The following MYO16 variants were observed in gnomAD, a reference collection of about 807,000 sequenced individuals.
MYO16 encodes the protein myosin XVI.
MYO16 carries 94 observed loss-of-function variants against 205.3 expected under a neutral mutation model. The observed-to-expected ratio is 0.46, with a 90% CI of 0.39 to 0.54. The LOEUF (loss-of-function observed/expected upper bound fraction) is 0.54, where lower values mean the gene tolerates loss of function less well. MYO16 is among the 20% of genes least tolerant of loss of function. The pLI, the probability that MYO16 is intolerant of heterozygous loss-of-function variation, is 0.00. For synonymous variants in MYO16, 988 were observed against 954.0 expected (o/e 1.04, Z -0.66); for missense variants, 2,315 against 2,387.5 (o/e 0.97, Z 0.63).
At chr13:109,189,302 C>G (rs1022566539) in intron 34 of MYO16, among the ~76,000 whole-genome samples, 1 of 152,118 alleles carries the variant, frequency 6.6e-6, no homozygotes, top group Admixed American at 6.5e-5. Flanking sequence ...TGGCAACACC[C>G]TCACAGACAC....
intron 18 of MYO16, among the ~76,000 whole-genome samples, chr13:108,962,071 T>G (rs1355187830): frequency 6.6e-6 from 1 of 152,154 alleles, no homozygotes; most frequent in Non-Finnish European, 1.5e-5. Flanking sequence ...GCTCCCAGAT[T>G]TTTAAAAAAT....
chr13:108,991,358 T>C lies in MYO16; in HGVS notation c.2370-1018T>C, dbSNP rs139316848. On this transcript the variant is annotated intron_variant, in intron 20 of 34. Coordinates refer to ENST00000457511, the MANE Select transcript of MYO16 (RefSeq NM_001198950.3). ...CTGTAGTAAATTCTATTTCCAAGAG[T>C]GATAGTTCACATTGAAAAAAAAGAT... is the stretch of plus-strand genomic sequence containing the variant. 1.6e-3 allele frequency among the ~76,000 whole-genome samples: 247 copies of C among 152,244 alleles called. 1 individual carries two copies. The highest frequency in any genetic ancestry group is 5.6e-3 in the African/African-American group (233 of 41,546).
chr13:108,884,693 C>T (rs1296011182), intron 13 of MYO16, among the ~76,000 whole-genome samples: 3 of 152,048 alleles, frequency 2.0e-5, no homozygotes, highest in African/African-American at 7.2e-5. Context: ...GGCTTCCACC[C>T]ATTCTAAACT....
chr13:108,650,083 T>G (rs1373304855), intron 1 of MYO16, among the ~76,000 whole-genome samples: 1 of 152,120 alleles, frequency 6.6e-6, no homozygotes, highest in Non-Finnish European at 1.5e-5. Flanking sequence ...CTTTTAGTAC[T>G]GAAAATGTTT....
At chr13:108,723,644 C>G (rs941861430) in intron 3 of MYO16, among the ~76,000 whole-genome samples, 1 of 152,076 alleles carries the variant, frequency 6.6e-6, no homozygotes, top group African/African-American at 2.4e-5. Context: ...ATGAATTGAT[C>G]TATTTCTAAA....
chr13:109,025,080 G>A (rs1302581780), intron 23 of MYO16, among the ~76,000 whole-genome samples: 1 of 152,084 alleles, frequency 6.6e-6, no homozygotes, highest in African/African-American at 2.4e-5. Context: ...GGGGTTCTTG[G>A]CTTTATTGCC....
chr13:109,076,804 C>T (rs1037060829), intron 27 of MYO16, among the ~76,000 whole-genome samples: 2 of 151,986 alleles, frequency 1.3e-5, no homozygotes, highest in African/African-American at 4.8e-5. Context: ...GAAAATGAAG[C>T]CCAGATTTCA....
intron 2 of MYO16, among the ~76,000 whole-genome samples, chr13:108,676,371 G>C (rs7334035): frequency 8.4e-6 from 1 of 119,338 alleles, no homozygotes; most frequent in East Asian, 3.0e-4. Flanking sequence ...TTATATGTAC[G>C]CGTGTGTGTG....
intron 30 of MYO16, among the ~76,000 whole-genome samples, chr13:109,126,055 C>T (rs1375584387): frequency 5.9e-5 from 9 of 152,170 alleles, no homozygotes; most frequent in Non-Finnish European, 1.2e-4. Flanking sequence ...CTTAATTCAT[C>T]GTCAGGGAGA....
At chr13:108,587,591 G>C in the MYO16 span, among the ~76,000 whole-genome samples, 1 of 152,072 alleles carries the variant, frequency 6.6e-6, no homozygotes, top group South Asian at 2.1e-4. Flanking sequence ...AATTGAGATT[G>C]ACAAGGTATA....
In MYO16 at chr13:109,026,594, T is replaced by A. The variant is rs191123269; in HGVS notation, c.2796+6683T>A. ...CCATAAAGTATTTATTGGTTCATCT[T>A]GACAGATGATAAGAGTAGTAGTTTT... is the stretch of plus-strand genomic sequence containing the variant. On this transcript the variant is annotated intron_variant, in intron 23 of 34. Transcript: ENST00000457511. 3.7e-4 allele frequency among the ~76,000 whole-genome samples: 56 copies of A among 152,344 alleles called. No individual in the cohort carries two copies. The Middle Eastern group carries it at 0.014, about 37-fold the overall frequency.
chr13:108,636,360 TTTTTTTTTTTGTGTGTG>T (rs1199822320), intron 1 of MYO16, among the ~76,000 whole-genome samples: 2 of 84,362 alleles, frequency 2.4e-5, no homozygotes, highest in Non-Finnish European at 4.8e-5. Flanking sequence ...TTTTTTTTTT[TTTTTTTTTTTGTGTGTG>T]TGTGTGTGTG....
At position 108,730,130 on chromosome 13, in the gene MYO16, G is replaced by A. The variant is rs987578536; in HGVS notation, c.507+2547G>A. ...ATGTCCCCACTCCAATCTCATCTTG[G>A]AGTTCCCATAATCCCCACATGTCAT... On this transcript the variant is annotated intron_variant, in intron 4 of 34. Transcript: ENST00000457511. 2.0e-5 allele frequency among the ~76,000 whole-genome samples: 3 copies of A among 152,182 alleles called. No individual in the cohort carries two copies. The East Asian group carries it at 5.8e-4, about 29-fold the overall frequency.
intron 31 of MYO16, among the ~76,000 whole-genome samples, chr13:109,135,031 C>T (rs157031): frequency 0.29 from 43,664 of 151,968 alleles, 6,756 homozygotes; most frequent in East Asian, 0.47. Context: ...CCACATGTGC[C>T]GGTGCCTCCG....
chr13:108,827,147 G>A (rs1169401367), intron 9 of MYO16, among the ~76,000 whole-genome samples: 2 of 152,144 alleles, frequency 1.3e-5, no homozygotes, highest in Non-Finnish European at 2.9e-5. Context: ...AACTGTCCAT[G>A]ACTTCACCAT....
At chr13:108,700,097 C>T (rs1279483304) in intron 2 of MYO16, among the ~76,000 whole-genome samples, 2 of 152,072 alleles carry the variant, frequency 1.3e-5, no homozygotes, top group African/African-American at 4.8e-5. Flanking sequence ...CTTTGGGAGG[C>T]TGAGGTGGGT....
Position 109,120,477 on chromosome 13 carries a change from T to C in MYO16, c.3535+11T>C. The stretch of plus-strand genomic sequence containing the variant: ...TAACCTGCCAAAAAGGTAACATTTA[T>C]ATGCCAACATTTCTGAATTTATTTG... On this transcript the variant is annotated intron_variant, in intron 29 of 34. Transcript: ENST00000457511. The C allele has an allele frequency of 6.3e-7, 1 of 1,579,424 alleles. No homozygotes were observed. The highest frequency in any genetic ancestry group is 8.6e-7 in the Non-Finnish European group (1 of 1,156,610).
intron 3 of MYO16, among the ~76,000 whole-genome samples, chr13:108,725,665 G>A (rs1884312174): frequency 1.3e-5 from 2 of 152,110 alleles, no homozygotes; most frequent in Admixed American, 1.3e-4. Flanking sequence ...TTCTTTGCCT[G>A]ACCTTGGGCA....
chr13:109,149,943 T>C (rs1717024872), intron 32 of MYO16, among the ~76,000 whole-genome samples: 1 of 152,192 alleles, frequency 6.6e-6, no homozygotes, highest in South Asian at 2.1e-4. Context: ...CACACTGAAA[T>C]TGTACTCACT....
Sources: allele counts gnomAD v4.1 joint callset (sites outside exome capture counted in the v4.1 genomes callset), GRCh38; gene constraint gnomAD v4.1.1; transcripts MANE v1.5; gene names NCBI Gene and HGNC (gene_info 2026-07-23, HGNC 2026-07-21).